The following ADGRB1 variants were observed in gnomAD, a reference collection of about 807,000 sequenced individuals.
The protein encoded by ADGRB1 is brain-specific angiogenesis inhibitor 1.
A neutral mutation model predicts 175.7 loss-of-function variants in ADGRB1; 36 were observed. That is an observed-to-expected ratio of 0.20 (90% CI 0.16 to 0.27). The LOEUF (loss-of-function observed/expected upper bound fraction) is 0.27, where lower values mean the gene tolerates loss of function less well. Among genes scored for constraint, ADGRB1 ranks in the 10% least tolerant of loss-of-function variants. The pLI is 1.00. For synonymous variants in ADGRB1, 1,054 were observed against 979.4 expected, an observed-to-expected ratio of 1.08 and a Z score of -1.42; for missense variants, 1,731 against 2,255.3, an observed-to-expected ratio of 0.77 and a Z score of 4.71.
At chr8:142,519,958 G>C (rs982422260) in intron 19 of ADGRB1, among the ~76,000 whole-genome samples, 46 of 133,216 alleles carry the variant, frequency 3.5e-4, no homozygotes, top group Non-Finnish European at 6.6e-4. Context: ...TGATGGTGGT[G>C]GTGGTGGTAG....
chr8:142,533,474 A>G lies in ADGRB1; in HGVS notation c.3570+8A>G. On this transcript the variant is annotated splice_region_variant and intron_variant, in intron 25 of 30. Transcript: ENST00000517894. Reference sequence around the variant, plus strand: ...TGTATCCTCCGTAGAGAGGTGGGTGAGGCAGCCTCTGTCGGGCCGGGCTCC... The same window carrying G: ...TGTATCCTCCGTAGAGAGGTGGGTGGGGCAGCCTCTGTCGGGCCGGGCTCC... 1 of 1,583,662 alleles carries G rather than the reference A, an allele frequency of 6.3e-7. No individual in the cohort carries two copies.
At position 142,518,127 on chromosome 8, in the gene ADGRB1, G is replaced by T. The variant is rs181379085; in HGVS notation, c.2818-11G>T. 24 of 1,613,050 alleles carry T rather than the reference G, an allele frequency of 1.5e-5. No individual in the cohort carries two copies. In the South Asian group the frequency reaches 2.4e-4, roughly 16 times the overall value. On this transcript the variant is annotated splice_polypyrimidine_tract_variant and intron_variant, in intron 18 of 30. Transcript: ENST00000517894. ...GCCTCACTCCCTGCGGTCTCTTCCCGGTCCCCACAGAACATGGAGAAGGCG... is the reference window on the plus strand; with the variant it reads ...GCCTCACTCCCTGCGGTCTCTTCCCTGTCCCCACAGAACATGGAGAAGGCG...
At position 142,492,978 on chromosome 8, in the gene ADGRB1, C is replaced by T. The variant is rs1347581879; in HGVS notation, c.2675+2163C>T. Among the ~76,000 whole-genome samples the T allele has an allele frequency of 6.6e-6, 1 of 152,078 alleles. No individual in the cohort carries two copies. Among genetic ancestry groups the T allele is most frequent in the Non-Finnish European group, 1.5e-5 (1 of 67,998 alleles). ...GCTGCGCCCTGGTTCACTCAACCAG[C>T]CCCTGCTGGTGGCCTTCAGGAGCCT... On this transcript the variant is annotated intron_variant, in intron 17 of 30. Transcript: ENST00000517894. The surrounding 1 kb of genome is among the most constrained non-coding windows in gnomAD (Gnocchi z 4.4).
At chr8:142,482,191 C>G (rs1841386635) in intron 11 of ADGRB1, among the ~76,000 whole-genome samples, 1 of 149,150 alleles carries the variant, frequency 6.7e-6, no homozygotes, top group Non-Finnish European at 1.5e-5. Flanking sequence ...CACACTGAGC[C>G]CTGATCCTGG....
chr8:142,508,841 C>A (rs1842951996), intron 17 of ADGRB1, among the ~76,000 whole-genome samples: 1 of 152,208 alleles, frequency 6.6e-6, no homozygotes, highest in Non-Finnish European at 1.5e-5. Context: ...TAAACCCTGG[C>A]CCGTGAAACA....
Position 142,489,328 on chromosome 8 carries a change from T to C in ADGRB1, c.2529-8T>C, listed in dbSNP as rs770978601. 1 of 1,612,548 alleles carries C rather than the reference T, an allele frequency of 6.2e-7. No individual in the cohort carries two copies. The highest frequency in any genetic ancestry group is 2.2e-5 in the East Asian group (1 of 44,890). ...CTCCCCCGACACCTGTGCCTCTGGC[T>C]CTTGCAGGAACACGACCGTCCTGAA... On this transcript the variant is annotated splice_region_variant and splice_polypyrimidine_tract_variant and intron_variant, in intron 15 of 30. Transcript: ENST00000517894.
chr8:142,481,989 T>TGACC (rs1841363313), intron 11 of ADGRB1, among the ~76,000 whole-genome samples: 1 of 75,690 alleles, frequency 1.3e-5, no homozygotes. Flanking sequence ...CACACTGAGC[T>TGACC]CTGGTCACAC....
intron 24 of ADGRB1, among the ~76,000 whole-genome samples, chr8:142,529,651 C>T (rs534406596): frequency 3.8e-5 from 5 of 131,058 alleles, no homozygotes; most frequent in East Asian, 4.8e-4. Context: ...TCTGTATATG[C>T]GTGTGTGAGT....
rs1190083541 is a variant in ADGRB1 at position 142,479,471 on chromosome 8, C to A, written c.1710C>A (p.Gly570=). ...CCCAGGATGAGTACCGGCAGTGCGG[C>A]ACCCAGCGGTGTCCCGGTGAGGCCC... ...QGPQDEYRQC[G]TQRCPEPHEI... Residue 570 remains glycine (G), a synonymous_variant, in exon 8 of 31, where the codon GGC becomes GGA. Transcript: ENST00000517894. 1.9e-6 allele frequency: 3 copies of A among 1,552,680 alleles called. No homozygotes were observed. The highest frequency in any genetic ancestry group is 2.2e-5 in the Admixed American group (1 of 46,126).
Position 142,464,078 on chromosome 8 carries a change from C to A in ADGRB1, c.-121C>A. The A allele has an allele frequency of 1.3e-5, 8 of 628,230 alleles. No homozygotes were observed. Among genetic ancestry groups the A allele is most frequent in the Admixed American group, 5.3e-5 (1 of 18,888 alleles). The allele number at this position is 628,230 out of a possible 1,614,324, so 38.9% of individuals were successfully genotyped here. A position where few individuals can be genotyped will look rare whatever the true frequency, so the allele number is the denominator to read the frequency against. ...AAGCGGGGCCCTCTCCCATCCCACC[C>A]TTGCCCCGCCTCCCTGCCCCCACCG... On this transcript the variant is annotated 5_prime_UTR_variant, in exon 2 of 31. Transcript: ENST00000517894.
chr8:142,495,281 T>G (rs1170665508), intron 17 of ADGRB1, among the ~76,000 whole-genome samples: 1 of 150,560 alleles, frequency 6.6e-6, no homozygotes, highest in Admixed American at 6.6e-5. Flanking sequence ...GAGTGACCAG[T>G]GATGGCTGGC....
At chr8:142,488,269 T>C in intron 13 of ADGRB1, 95 bp from the exon 14 acceptor site, 1 of 1,519,538 alleles carries the variant, frequency 6.6e-7, no homozygotes, top group Non-Finnish European at 9.0e-7. Context: ...CAGCCTGCAC[T>C]GCCAGGCCTG....
rs371623145 is a variant in ADGRB1 at position 142,542,227 on chromosome 8, G to A, written c.3993G>A (p.Ser1331=). ...GGGACATCTTCAAGAAGCTGGACTC[G>A]GAGCTGAGCCGGGCCCAGGAGAAGG... ...GDGDIFKKLD[S]ELSRAQEKAL... The change falls in exon 28 of 31, where the codon TCG becomes TCA. Residue 1331 remains serine (S), a synonymous_variant. Transcript: ENST00000517894. The surrounding 1 kb of genome is among the most constrained non-coding windows in gnomAD (Gnocchi z 6.3). 9 of 1,613,650 alleles carry A rather than the reference G, an allele frequency of 5.6e-6. No homozygotes were observed. The highest frequency in any genetic ancestry group is 2.2e-5 in the South Asian group (2 of 91,088).
intron 13 of ADGRB1, among the ~76,000 whole-genome samples, chr8:142,487,005 CTG>C (rs1239678262): frequency 6.6e-6 from 1 of 152,186 alleles, no homozygotes; most frequent in Non-Finnish European, 1.5e-5. Context: ...GAGCAATAGG[CTG>C]TCTCTTTAAA....
intron 9 of ADGRB1, 93 bp downstream of exon 9, chr8:142,479,887 C>T: frequency 7.4e-7 from 1 of 1,356,892 alleles, no homozygotes; most frequent in Non-Finnish European, 1.0e-6. Flanking sequence ...GGGAGGCGGC[C>T]CAGACACGGA....
chr8:142,472,775 G>A (rs983169303), intron 2 of ADGRB1, among the ~76,000 whole-genome samples: 1 of 152,178 alleles, frequency 6.6e-6, no homozygotes, highest in East Asian at 1.9e-4. Context: ...AAGATCAGAG[G>A]TCAGTCTGTG....
intron 18 of ADGRB1, 60 bp from the exon 19 acceptor site, chr8:142,518,078 G>T: frequency 6.5e-7 from 1 of 1,546,776 alleles, no homozygotes. Context: ...CAGTCTTCGG[G>T]TCTGCCGAGT....
At chr8:142,470,662 C>T (rs1840613650) in intron 2 of ADGRB1, among the ~76,000 whole-genome samples, 1 of 152,106 alleles carries the variant, frequency 6.6e-6, no homozygotes, top group African/African-American at 2.4e-5. Flanking sequence ...GTATGGGAGG[C>T]TGGGCTGGAA....
At chr8:142,521,730 T>A (rs1438942829) in intron 20 of ADGRB1, among the ~76,000 whole-genome samples, 1 of 152,228 alleles carries the variant, frequency 6.6e-6, no homozygotes, top group African/African-American at 2.4e-5. Context: ...CTATGAATGG[T>A]GCTGAGAAAG....
Sources: gnomAD v4.1 joint callset for allele counts (sites outside exome capture counted in the v4.1 genomes callset) on GRCh38, gnomAD v4.1.1 for gene constraint, Gnocchi (gnomAD v3.1) non-coding constraint, MANE v1.5 for transcripts, NCBI Gene and HGNC (gene_info 2026-07-23, HGNC 2026-07-21) for gene names.